Variants in PRKCZ observed in about 807,000 individuals in gnomAD.
The protein encoded by PRKCZ is protein kinase C zeta type.
A neutral mutation model predicts 79.5 loss-of-function variants in PRKCZ; 33 were observed. The observed-to-expected ratio is 0.41, with a 90% CI of 0.31 to 0.55. The LOEUF is 0.55. Ranked by LOEUF, PRKCZ falls within the 20% of genes least tolerant of loss-of-function variation. The pLI is 0.19. For synonymous variants in PRKCZ, 342 were observed against 320.9 expected, an observed-to-expected ratio of 1.07 and a Z score of -0.70; for missense variants, 578 against 813.5, an observed-to-expected ratio of 0.71 and a Z score of 3.52.
chr1:2,157,758 G>A (rs1459204603), intron 10 of PRKCZ, among the ~76,000 whole-genome samples: 1 of 143,320 alleles, frequency 7.0e-6, no homozygotes, highest in African/African-American at 2.6e-5. Context: ...TTGCTCTGTC[G>A]CCCCAGGCTG....
chr1:2,094,976 T>G lies in PRKCZ; in HGVS notation c.334+35385T>G, dbSNP rs1369135936. The stretch of plus-strand genomic sequence containing the variant: ...GCCCCCGCCGGCATGACACGGACAC[T>G]GGTGCCCGAGTGATGCCTGTGGGTG... On this transcript the variant is annotated intron_variant, in intron 4 of 17. Coordinates refer to ENST00000378567, the MANE Select transcript of PRKCZ (RefSeq NM_002744.6). The surrounding 1 kb of genome is among the most constrained non-coding windows in gnomAD (Gnocchi z 7.3). Among the ~76,000 whole-genome samples the G allele has an allele frequency of 6.6e-6, 1 of 152,168 alleles. No individual in the cohort carries two copies.
chr1:2,174,963 C>A lies in PRKCZ; in HGVS notation c.1485+130C>A. 1.0e-6 allele frequency: 1 copy of A among 985,482 alleles called. No individual in the cohort carries two copies. Among genetic ancestry groups the A allele is most frequent in the Non-Finnish European group, 1.5e-6 (1 of 648,252 alleles). The allele number at this position is 985,482 out of a possible 1,614,324, so 61.0% of individuals were successfully genotyped here. A position where few individuals can be genotyped will look rare whatever the true frequency, so the allele number is the denominator to read the frequency against. ...ATCGGGTGTGTGGGTTGATTTTCCG[C>A]TTCAGTATTTGAGCTCTGTGTTCTG... On this transcript the variant is annotated intron_variant, in intron 15 of 17. Coordinates refer to ENST00000378567, the MANE Select transcript of PRKCZ (RefSeq NM_002744.6). The surrounding 1 kb of genome is among the most constrained non-coding windows in gnomAD (Gnocchi z 6.2).
At chr1:2,062,042 C>T (rs1660722713) in intron 4 of PRKCZ, among the ~76,000 whole-genome samples, 1 of 152,180 alleles carries the variant, frequency 6.6e-6, no homozygotes, top group Non-Finnish European at 1.5e-5. Context: ...GAGGGCAGGA[C>T]TGCGGCTGTA....
At chr1:2,146,290 G>T (rs567582481) in intron 7 of PRKCZ, among the ~76,000 whole-genome samples, 182 bp downstream of exon 7, 1 of 152,178 alleles carries the variant, frequency 6.6e-6, no homozygotes, top group Non-Finnish European at 1.5e-5. Flanking sequence ...CTCAATCCCC[G>T]GCAGAGATGA....
intron 4 of PRKCZ, among the ~76,000 whole-genome samples, chr1:2,132,505 G>A (rs1244685485): frequency 6.6e-6 from 1 of 152,206 alleles, no homozygotes; most frequent in African/African-American, 2.4e-5. Flanking sequence ...TGGGGCTGCG[G>A]GGGATTGATT....
intron 4 of PRKCZ, 60 bp from the exon 5 acceptor site, chr1:2,135,202 C>T (rs949134374): frequency 8.9e-6 from 13 of 1,452,960 alleles, no homozygotes; most frequent in Admixed American, 3.5e-5. Context: ...CGCAGCTGCA[C>T]CCTGCGTGGG....
upstream of PRKCZ, chr1:2,049,781 G>A (rs748938423): frequency 6.6e-6 from 1 of 152,348 alleles, no homozygotes; most frequent in African/African-American, 2.4e-5. Context: ...TAAGGCCCGA[G>A]AGGCTGTGGC....
Position 2,174,804 on chromosome 1 carries a change from T to A in PRKCZ, c.1456T>A (p.Ser486Thr). 1.9e-6 allele frequency: 3 copies of A among 1,614,106 alleles called. 1 individual carries two copies. Among genetic ancestry groups the A allele is most frequent in the Non-Finnish European group, 2.5e-6 (3 of 1,179,974 alleles). The stretch of plus-strand genomic sequence containing the variant: ...CCCCCGGTTCCTGTCCGTCAAAGCC[T>A]CCCATGTTTTAAAAGGATTTTTAAA... ...RIPRFLSVKA[S>T]HVLKGFLNKD... The change falls in exon 15 of 18, where the codon TCC becomes ACC. Residue 486 changes from serine (S) to threonine (T), a missense_variant. Ser to Thr is a moderately conservative substitution (Grantham distance 58). Coordinates refer to ENST00000378567, the MANE Select transcript of PRKCZ (RefSeq NM_002744.6). The surrounding 1 kb of genome is among the most constrained non-coding windows in gnomAD (Gnocchi z 6.2).
intron 5 of PRKCZ, among the ~76,000 whole-genome samples, chr1:2,137,412 A>G (rs573741183): frequency 3.1e-4 from 47 of 152,216 alleles, no homozygotes; most frequent in Non-Finnish European, 5.6e-4. Flanking sequence ...CCCAGATGCA[A>G]TACTTCACCA....
chr1:2,114,169 G>A (rs1252217320), intron 4 of PRKCZ, among the ~76,000 whole-genome samples: 6 of 137,398 alleles, frequency 4.4e-5, no homozygotes, highest in African/African-American at 1.1e-4. Context: ...CCAGGAGGAC[G>A]CTCCGTCGTG....
chr1:2,051,821 C>T (rs1448229346), intron 1 of PRKCZ, among the ~76,000 whole-genome samples: 5 of 152,156 alleles, frequency 3.3e-5, no homozygotes, highest in Admixed American at 1.3e-4. Context: ...TGCTTGGCCC[C>T]GGGTTTGTTG....
Position 2,172,092 on chromosome 1 carries a change from C to T in PRKCZ, c.1099C>T (p.Leu367=), listed in dbSNP as rs761383225. 4.3e-6 allele frequency: 7 copies of T among 1,613,306 alleles called. No homozygotes were observed. In the Admixed American group the frequency reaches 8.3e-5, roughly 19 times the overall value. The change falls in exon 12 of 18, where the codon CTG becomes TTG. Residue 367 remains leucine, a synonymous_variant. Transcript: ENST00000378567. The surrounding 1 kb of genome is among the most constrained non-coding windows in gnomAD (Gnocchi z 7.8). ...AAEICIALNF[L]HERGIIYRDL... ...CGAGATCTGCATCGCCCTCAACTTC[C>T]TGCACGAGAGGGGGATCATCTACAG...
upstream of PRKCZ, chr1:2,049,852 G>C (rs1659484747): frequency 6.6e-6 from 1 of 152,296 alleles, no homozygotes; most frequent in Admixed American, 6.5e-5. Flanking sequence ...TGGGCGAAGT[G>C]AGCGGTTGCA....
intron 4 of PRKCZ, among the ~76,000 whole-genome samples, chr1:2,092,953 G>A (rs1341159638): frequency 6.6e-6 from 1 of 152,196 alleles, no homozygotes; most frequent in Non-Finnish European, 1.5e-5. Context: ...CAGGCCTCGG[G>A]CCCTGCCTCA....
In PRKCZ at chr1:2,113,668, G is replaced by A. The variant is rs186507748; in HGVS notation, c.335-21594G>A. On this transcript the variant is annotated intron_variant, in intron 4 of 17. Coordinates refer to ENST00000378567, the MANE Select transcript of PRKCZ (RefSeq NM_002744.6). ...TTTTTTGTCTTTCCTCATGATGCACGAAGTAGTGGTATCTCTGAGAGCCAA... is the reference window on the plus strand; with the variant it reads ...TTTTTTGTCTTTCCTCATGATGCACAAAGTAGTGGTATCTCTGAGAGCCAA... Among the ~76,000 whole-genome samples, 23 of 152,338 alleles carry A rather than the reference G, an allele frequency of 1.5e-4. No individual in the cohort carries two copies. In the East Asian group the frequency reaches 3.5e-3, roughly 23 times the overall value.
chr1:2,100,140 C>T (rs191148316), intron 4 of PRKCZ, among the ~76,000 whole-genome samples: 20 of 152,318 alleles, frequency 1.3e-4, no homozygotes, highest in African/African-American at 4.8e-4. Flanking sequence ...CAGTCTCGGC[C>T]CTGCTTCCGA....
chr1:2,131,888 T>C (rs1411949475), intron 4 of PRKCZ, among the ~76,000 whole-genome samples: 1 of 152,258 alleles, frequency 6.6e-6, no homozygotes, highest in Non-Finnish European at 1.5e-5. Flanking sequence ...CGCGGCTCAC[T>C]GCAAGCTCCA....
chr1:2,145,044 C>T (rs1678212149), intron 6 of PRKCZ: 1 of 152,474 alleles, frequency 6.6e-6, no homozygotes, highest in South Asian at 2.1e-4. Flanking sequence ...GTGACGTGCC[C>T]TCTCCTCTGT....
chr1:2,136,554 G>C (rs936880349), intron 5 of PRKCZ, among the ~76,000 whole-genome samples: 2 of 152,134 alleles, frequency 1.3e-5, no homozygotes, highest in African/African-American at 4.8e-5. Flanking sequence ...CCAGTGTCTG[G>C]GAGGCCCTGA....
Sources: gnomAD v4.1 joint callset for allele counts (sites outside exome capture counted in the v4.1 genomes callset) on GRCh38, gnomAD v4.1.1 for gene constraint, Gnocchi (gnomAD v3.1) non-coding constraint, MANE v1.5 for transcripts, NCBI Gene and HGNC (gene_info 2026-07-23, HGNC 2026-07-21) for gene names.